The following PTPRT variants were observed in gnomAD, a reference collection of about 807,000 sequenced individuals.
The protein encoded by PTPRT is receptor-type tyrosine-protein phosphatase T.
PTPRT carries 56 observed loss-of-function variants against 176.8 expected under a neutral mutation model. The observed-to-expected ratio is 0.32, with a 90% CI of 0.26 to 0.40. The LOEUF (loss-of-function observed/expected upper bound fraction) is 0.40, where lower values mean the gene tolerates loss of function less well. PTPRT is among the 10% of genes least tolerant of loss of function. PTPRT has a pLI of 1.00. For missense variants in PTPRT, 1,540 were observed against 1,908.2 expected, an observed-to-expected ratio of 0.81 and a Z score of 3.60; for synonymous variants, 783 against 739.0, an observed-to-expected ratio of 1.06 and a Z score of -0.96.
intron 19 of PTPRT, among the ~76,000 whole-genome samples, chr20:42,124,798 C>T (rs2146347351): frequency 6.6e-6 from 1 of 152,298 alleles, no homozygotes; most frequent in South Asian, 2.1e-4. Flanking sequence ...ACTCTTCACC[C>T]TATAGTGGTA....
At chr20:42,720,022 A>C (rs1418925338) in intron 6 of PTPRT, among the ~76,000 whole-genome samples, 1 of 152,174 alleles carries the variant, frequency 6.6e-6, no homozygotes, top group East Asian at 1.9e-4. Flanking sequence ...GATACTAGAG[A>C]TATTGTAAGA....
chr20:43,031,904 T>C (rs1419421748), intron 1 of PTPRT, among the ~76,000 whole-genome samples: 1 of 152,128 alleles, frequency 6.6e-6, no homozygotes, highest in Non-Finnish European at 1.5e-5. Flanking sequence ...TAGGTAACTG[T>C]ACTCCCCAAC....
intron 1 of PTPRT, among the ~76,000 whole-genome samples, chr20:43,080,260 C>T (rs2146286565): frequency 6.6e-6 from 1 of 152,318 alleles, no homozygotes; most frequent in East Asian, 1.9e-4. Context: ...TGTACCACCA[C>T]ATCCCAGGCA....
At chr20:42,576,314 CCT>C (rs1295020358) in intron 7 of PTPRT, among the ~76,000 whole-genome samples, 1 of 152,170 alleles carries the variant, frequency 6.6e-6, no homozygotes, top group African/African-American at 2.4e-5. Context: ...TTCTCTGGAC[CCT>C]CTGTTTACTT....
At chr20:43,056,548 G>A (rs776024322) in intron 1 of PTPRT, among the ~76,000 whole-genome samples, 3 of 152,140 alleles carry the variant, frequency 2.0e-5, no homozygotes, top group East Asian at 1.9e-4. Context: ...ATACACACAC[G>A]GTCTGTTGCT....
intron 7 of PTPRT, among the ~76,000 whole-genome samples, chr20:42,625,482 C>T (rs1274132716): frequency 6.6e-6 from 1 of 151,578 alleles, no homozygotes; most frequent in Non-Finnish European, 1.5e-5. Context: ...GTCTGGGTAG[C>T]AGACTGTTCC....
At chr20:42,627,095 G>C (rs17748201) in intron 7 of PTPRT, among the ~76,000 whole-genome samples, 15,783 of 152,154 alleles carry the variant, frequency 0.1, 1,034 homozygotes, top group Middle Eastern at 0.16. Context: ...GGATGACCGG[G>C]CACATCTAGG....
At chr20:43,141,868 G>A (rs757381648) in intron 1 of PTPRT, among the ~76,000 whole-genome samples, 7 of 152,182 alleles carry the variant, frequency 4.6e-5, no homozygotes, top group Non-Finnish European at 8.8e-5. Context: ...CCGTGGTTGA[G>A]TATCCACAGA....
At chr20:42,987,374 T>C (rs563949452) in intron 1 of PTPRT, among the ~76,000 whole-genome samples, 42 of 152,322 alleles carry the variant, frequency 2.8e-4, no homozygotes, top group African/African-American at 9.9e-4. Context: ...TAGCCACCAA[T>C]GGTTGGTGGC....
At chr20:42,119,187 T>G (rs1042616583) in intron 20 of PTPRT, among the ~76,000 whole-genome samples, 1 of 152,086 alleles carries the variant, frequency 6.6e-6, no homozygotes, top group Non-Finnish European at 1.5e-5. Context: ...TTTTCTATAT[T>G]TATATGTATA....
chr20:42,610,895 A>G (rs1311319702), intron 7 of PTPRT, among the ~76,000 whole-genome samples: 1 of 151,746 alleles, frequency 6.6e-6, no homozygotes, highest in Non-Finnish European at 1.5e-5. Flanking sequence ...TTCCGTGTCT[A>G]TAGACTTACC....
chr20:43,044,180 A>C (rs927128961), intron 1 of PTPRT, among the ~76,000 whole-genome samples: 3 of 152,120 alleles, frequency 2.0e-5, no homozygotes, highest in Non-Finnish European at 4.4e-5. Context: ...TCCTGGCAGG[A>C]GACCAGAAAA....
At chr20:43,164,516 G>A (rs1392451999) in intron 1 of PTPRT, among the ~76,000 whole-genome samples, 9 of 152,226 alleles carry the variant, frequency 5.9e-5, no homozygotes, top group African/African-American at 1.4e-4. Flanking sequence ...AAGAAGGCAC[G>A]TCCCAAGTAG....
At chr20:42,288,840 T>G (rs2057274529) in intron 12 of PTPRT, among the ~76,000 whole-genome samples, 1 of 152,030 alleles carries the variant, frequency 6.6e-6, no homozygotes, top group African/African-American at 2.4e-5. Context: ...AGTGCATGTC[T>G]CCTTTTGTTA....
At chr20:42,641,968 A>C (rs1288384422) in intron 7 of PTPRT, among the ~76,000 whole-genome samples, 1 of 152,172 alleles carries the variant, frequency 6.6e-6, no homozygotes, top group Non-Finnish European at 1.5e-5. Flanking sequence ...ACAGGCTAAC[A>C]TGGAGCTGAG....
At chr20:42,847,770 A>G (rs2078400166) in intron 2 of PTPRT, among the ~76,000 whole-genome samples, 1 of 152,220 alleles carries the variant, frequency 6.6e-6, no homozygotes, top group Non-Finnish European at 1.5e-5. Flanking sequence ...GAGACTGTTT[A>G]GACTTTGCAT....
intron 6 of PTPRT, among the ~76,000 whole-genome samples, chr20:42,709,131 T>C (rs780038892): frequency 6.6e-6 from 1 of 152,210 alleles, no homozygotes; most frequent in Non-Finnish European, 1.5e-5. Context: ...GGACCTAAGG[T>C]CCTTCGGGAC....
intron 7 of PTPRT, among the ~76,000 whole-genome samples, chr20:42,578,902 T>TG (rs758448014): frequency 0.13 from 17,718 of 139,432 alleles, 1,844 homozygotes; most frequent in Admixed American, 0.26. Flanking sequence ...TTTTTTTTTT[T>TG]GGGGGGGGGT....
intron 11 of PTPRT, among the ~76,000 whole-genome samples, chr20:42,326,101 G>A (rs1034777177): frequency 1.3e-5 from 2 of 152,162 alleles, no homozygotes; most frequent in African/African-American, 4.8e-5. Context: ...ACACCTAACA[G>A]ATTAGGTCCT....
Sources: gnomAD v4.1 joint callset for allele counts (sites outside exome capture counted in the v4.1 genomes callset) on GRCh38, gnomAD v4.1.1 for gene constraint, MANE v1.5 for transcripts, NCBI Gene and HGNC (gene_info 2026-07-23, HGNC 2026-07-21) for gene names.